FSTL1: variants seen among roughly 807,000 people sequenced by gnomAD.
FSTL1 encodes follistatin like 1.
A neutral mutation model predicts 45.9 loss-of-function variants in FSTL1; 24 were observed. The ratio of observed to expected loss-of-function variants is 0.52; its 90% confidence interval spans 0.38 to 0.74. The LOEUF (loss-of-function observed/expected upper bound fraction) is 0.74. Among genes scored for constraint, FSTL1 ranks in the 30% least tolerant of loss-of-function variants. FSTL1 has a pLI of 0.00. For missense variants in FSTL1, 340 were observed against 381.8 expected (o/e 0.89, Z 0.91); for synonymous variants, 120 against 137.6 (o/e 0.87, Z 0.89).
At chr3:120,440,503 G>A (rs1937617026) in intron 2 of FSTL1, among the ~76,000 whole-genome samples, 1 of 152,204 alleles carries the variant, frequency 6.6e-6, no homozygotes, top group East Asian at 1.9e-4. Context: ...TTCGTGCTGG[G>A]TTAGGTTTTC....
chr3:120,432,293 C>T (rs915473146), intron 2 of FSTL1, among the ~76,000 whole-genome samples: 1 of 152,178 alleles, frequency 6.6e-6, no homozygotes, highest in African/African-American at 2.4e-5. Flanking sequence ...TTCTATTCTT[C>T]TTGAGACATT....
Position 120,450,699 on chromosome 3 carries a change from G to A in FSTL1, c.48C>T (p.Ala16=), listed in dbSNP as rs575618549. The A allele has an allele frequency of 1.0e-5, 16 of 1,570,114 alleles. No individual in the cohort carries two copies. The highest frequency in any genetic ancestry group is 8.8e-5 in the Admixed American group (5 of 56,978). The stretch of plus-strand genomic sequence containing the variant: ...CCTCGCCTACCTCGGCGCGGACCCA[G>A]GCGACCGCCACCAGCGCGAGCGCGA... ...LALALALVAV[A]WVRAEEELRS... The change falls in exon 2 of 11, where the codon GCC becomes GCT. Residue 16 remains alanine, a synonymous_variant. Transcript: ENST00000295633.
Position 120,411,755 on chromosome 3 carries a change from G to A in FSTL1, c.298+99C>T, listed in dbSNP as rs932904868. 6 of 1,057,722 alleles carry A rather than the reference G, an allele frequency of 5.7e-6. No individual in the cohort carries two copies. In the Admixed American group the frequency reaches 1.2e-4, roughly 20 times the overall value. 65.5% of individuals were successfully genotyped at this position (1,057,722 alleles called of 1,614,324 possible). On this transcript the variant is annotated intron_variant, in intron 4 of 10. Coordinates refer to ENST00000295633, the MANE Select transcript of FSTL1 (RefSeq NM_007085.5). ...CTTTCCACAGCTTTGAGAGGCTGTG[G>A]TCGTGGAGGAAAGACCATGTGGTCA...
chr3:120,403,920 CAA>C (rs34145564), intron 7 of FSTL1, among the ~76,000 whole-genome samples: 18 of 52,134 alleles, frequency 3.5e-4, no homozygotes, highest in Non-Finnish European at 4.9e-4. Context: ...GACTCCGTCT[CAA>C]AAAAAAAAAA....
At chr3:120,412,804 A>G (rs13096973) in intron 3 of FSTL1, among the ~76,000 whole-genome samples, 36,021 of 149,308 alleles carry the variant, frequency 0.24, 5,509 homozygotes, top group Non-Finnish European at 0.35. Flanking sequence ...GCAGGCAGGC[A>G]AACACACACA....
At chr3:120,416,992 G>T (rs1937197665) in intron 2 of FSTL1, among the ~76,000 whole-genome samples, 1 of 152,150 alleles carries the variant, frequency 6.6e-6, no homozygotes, top group South Asian at 2.1e-4. Flanking sequence ...AGGGGTAGTG[G>T]TGGTTGCATG....
chr3:120,404,831 C>T (rs1936915991), intron 7 of FSTL1, 22 bp downstream of exon 7: 2 of 1,154,328 alleles, frequency 1.7e-6, no homozygotes, highest in Non-Finnish European at 1.3e-6. Flanking sequence ...GGATCATTCT[C>T]TGACCTCTCG....
At chr3:120,403,910 G>A in intron 7 of FSTL1, among the ~76,000 whole-genome samples, 1 of 105,556 alleles carries the variant, frequency 9.5e-6, no homozygotes, top group African/African-American at 3.7e-5. Flanking sequence ...GACAGAGCGA[G>A]ACTCCGTCTC....
intron 10 of FSTL1, among the ~76,000 whole-genome samples, chr3:120,398,310 T>C (rs1022135457): frequency 4.6e-5 from 7 of 152,206 alleles, no homozygotes; most frequent in Non-Finnish European, 1.0e-4. Flanking sequence ...TGGTGTTCCA[T>C]CCATCGCCCC....
At chr3:120,437,965 G>C (rs1331708797) in intron 2 of FSTL1, among the ~76,000 whole-genome samples, 2 of 152,148 alleles carry the variant, frequency 1.3e-5, no homozygotes, top group African/African-American at 4.8e-5. Flanking sequence ...TCTGACCAGA[G>C]ATCAGGGCCA....
At chr3:120,417,074 C>G (rs922367433) in intron 2 of FSTL1, among the ~76,000 whole-genome samples, 1 of 152,166 alleles carries the variant, frequency 6.6e-6, no homozygotes, top group Non-Finnish European at 1.5e-5. Context: ...GACCTCCAGA[C>G]TCAAGGCTAC....
In FSTL1 at chr3:120,396,697, C is replaced by T; in HGVS notation, c.*255G>A. On this transcript the variant is annotated 3_prime_UTR_variant, in exon 11 of 11. Transcript: ENST00000295633. ...TCCTCTTTCAATCGTGATGCAGTTTCCTTACTAGCCTCCAGCCCCAGAGCA... is the reference window on the plus strand; with the variant it reads ...TCCTCTTTCAATCGTGATGCAGTTTTCTTACTAGCCTCCAGCCCCAGAGCA... 2.1e-6 allele frequency: 1 copy of T among 470,930 alleles called. No homozygotes were observed. The highest frequency in any genetic ancestry group is 3.8e-6 in the Non-Finnish European group (1 of 265,142). The allele number at this position is 470,930 out of a possible 1,614,324, so 29.2% of individuals were successfully genotyped here. A position where few individuals can be genotyped will look rare whatever the true frequency, so the allele number is the denominator to read the frequency against.
intron 3 of FSTL1, among the ~76,000 whole-genome samples, chr3:120,413,694 A>G (rs1329455852): frequency 6.6e-6 from 1 of 151,666 alleles, no homozygotes; most frequent in African/African-American, 2.4e-5. Flanking sequence ...TGTTCACTTT[A>G]GTGGCAGAAC....
chr3:120,402,019 G>A (rs1166091338), intron 9 of FSTL1, among the ~76,000 whole-genome samples: 4 of 152,086 alleles, frequency 2.6e-5, no homozygotes, highest in Non-Finnish European at 5.9e-5. Context: ...GCTAGGGCTC[G>A]GCTTTAAGAG....
At chr3:120,400,159 C>T in intron 9 of FSTL1, 200 bp from the exon 10 acceptor site, 1 of 587,800 alleles carries the variant, frequency 1.7e-6, no homozygotes, top group Non-Finnish European at 3.0e-6. Flanking sequence ...TGTAACAAAG[C>T]AATCTACCCC....
chr3:120,402,071 T>C (rs557316247), intron 9 of FSTL1, among the ~76,000 whole-genome samples: 2 of 152,190 alleles, frequency 1.3e-5, no homozygotes, highest in Non-Finnish European at 2.9e-5. Context: ...AGGACCCAGA[T>C]GGGACTCCAG....
intron 2 of FSTL1, among the ~76,000 whole-genome samples, chr3:120,435,234 A>G (rs1273887860): frequency 6.6e-6 from 1 of 152,114 alleles, no homozygotes; most frequent in Non-Finnish European, 1.5e-5. Context: ...AAAAACAAAC[A>G]AACAAAAAAC....
intron 2 of FSTL1, among the ~76,000 whole-genome samples, chr3:120,434,991 G>A (rs919134711): frequency 1.3e-5 from 2 of 152,184 alleles, no homozygotes; most frequent in Admixed American, 6.5e-5. Flanking sequence ...GGTTGAGTCA[G>A]GGAGCTCACA....
chr3:120,447,576 G>C lies in FSTL1; in HGVS notation c.63+3108C>G, dbSNP rs188795348. ...AAGAAAGAGAAGAAGCAATCAGAAA[G>C]CAACCCTGAGGTGCCAAGGAAGTAG... On this transcript the variant is annotated intron_variant, in intron 2 of 10. Transcript: ENST00000295633. 6.9e-4 allele frequency among the ~76,000 whole-genome samples: 105 copies of C among 152,302 alleles called. 1 individual carries two copies. Among genetic ancestry groups the C allele is most frequent in the African/African-American group, 2.4e-3 (98 of 41,562 alleles).
Sources: gnomAD v4.1 joint callset for allele counts (sites outside exome capture counted in the v4.1 genomes callset) on GRCh38, gnomAD v4.1.1 for gene constraint, MANE v1.5 for transcripts, NCBI Gene and HGNC (gene_info 2026-07-23, HGNC 2026-07-21) for gene names.